STON2: variants seen among roughly 807,000 people sequenced by gnomAD.
STON2 encodes stonin 2, also known as stonin-2.
Under a neutral mutation model 65.7 loss-of-function variants are expected in STON2, and 29 were observed. The ratio of observed to expected loss-of-function variants is 0.44; its 90% CI spans 0.33 to 0.60. The LOEUF is 0.60. Ranked by LOEUF, STON2 falls within the 20% of genes least tolerant of loss-of-function variation. The pLI, the probability that STON2 is intolerant of heterozygous loss-of-function variation, is 0.03. For missense variants in STON2, 1,054 were observed against 1,118.1 expected (o/e 0.94, Z 0.82); for synonymous variants, 404 against 414.2 (o/e 0.98, Z 0.30).
At position 81,330,564 on chromosome 14, in the gene STON2, T is replaced by G. The variant is rs568443707; in HGVS notation, c.572-6377A>C. Among the ~76,000 whole-genome samples, 4 of 152,346 alleles carry G rather than the reference T, an allele frequency of 2.6e-5. No homozygotes were observed. In the South Asian group the frequency reaches 8.3e-4, roughly 32 times the overall value. ...CACACATATTTATTAAAAATGTATT[T>G]TTTACAACATTGCTCAATTGTTCAG... On this transcript the variant is annotated intron_variant, in intron 4 of 7. Coordinates refer to ENST00000614646, the MANE Select transcript of STON2 (RefSeq NM_001394390.1).
rs1021058257 is a variant in STON2 at position 81,333,133 on chromosome 14, A to G, written c.572-8946T>C. 7.7e-6 allele frequency: 10 copies of G among 1,298,388 alleles called. No individual in the cohort carries two copies. In the African/African-American group the frequency reaches 1.5e-4, roughly 19 times the overall value. 80.4% of individuals were successfully genotyped at this position (1,298,388 alleles called of 1,614,324 possible). A position where few individuals can be genotyped will look rare whatever the true frequency, so the allele number is the denominator to read the frequency against. On this transcript the variant is annotated intron_variant, in intron 4 of 7. Transcript: ENST00000614646. Reference sequence around the variant, plus strand: ...CTTTGCATAATCCAAGAAATCATAAATCATGCCAAAGCCAGTTGTCTTGCC... The same window carrying G: ...CTTTGCATAATCCAAGAAATCATAAGTCATGCCAAAGCCAGTTGTCTTGCC...
At chr14:81,313,808 A>ATACAC (rs1555398539) in intron 5 of STON2, among the ~76,000 whole-genome samples, 2 of 82,536 alleles carry the variant, frequency 2.4e-5, no homozygotes, top group South Asian at 3.2e-4. Context: ...AAAAAAAAAA[A>ATACAC]ATACACACAC....
chr14:81,393,043 G>C (rs1900152783), intron 3 of STON2, among the ~76,000 whole-genome samples: 1 of 152,196 alleles, frequency 6.6e-6, no homozygotes, highest in Non-Finnish European at 1.5e-5. Flanking sequence ...CTATGGGCCA[G>C]ACTGTGAATT....
intron 2 of STON2, among the ~76,000 whole-genome samples, chr14:81,407,260 T>C (rs187515119): frequency 6.6e-6 from 1 of 152,276 alleles, no homozygotes; most frequent in East Asian, 1.9e-4. Flanking sequence ...AAGAGACTAG[T>C]TCAGACATCT....
intron 3 of STON2, among the ~76,000 whole-genome samples, chr14:81,391,572 G>C (rs1299653361): frequency 6.6e-6 from 1 of 152,190 alleles, no homozygotes; most frequent in Non-Finnish European, 1.5e-5. Flanking sequence ...ATGTGGGAGA[G>C]GTTAGTTTGG....
Position 81,261,948 on chromosome 14 carries a change from A to T in STON2, c.*6466T>A. 7.4e-7 allele frequency: 1 copy of T among 1,355,786 alleles called. No individual in the cohort carries two copies. The highest frequency in any genetic ancestry group is 9.6e-7 in the Non-Finnish European group (1 of 1,039,166). The allele number at this position is 1,355,786 out of a possible 1,614,324, so 84.0% of individuals were successfully genotyped here. ...TTCTGTTGTCTGGGGAAATGATAAA[A>T]AAAAAAAAAAAAAAGAGAGAGATGT... On this transcript the variant is annotated 3_prime_UTR_variant, in exon 8 of 8. Transcript: ENST00000614646.
rs1735655950 is a variant in STON2, at chr14:81,280,619, C to T, written c.743-1880G>A. Among the ~76,000 whole-genome samples the T allele has an allele frequency of 4.6e-5, 7 of 152,298 alleles. 1 individual carries two copies. In the South Asian group the frequency reaches 1.5e-3, roughly 32 times the overall value. On this transcript the variant is annotated intron_variant, in intron 5 of 7. Transcript: ENST00000614646. ...ATCAGCAATGCCGCACATAATTGCA[C>T]ATAATTATACAAGGATGGGATGCTG...
chr14:81,397,696 C>G (rs1328233344), intron 2 of STON2, among the ~76,000 whole-genome samples: 1 of 152,174 alleles, frequency 6.6e-6, no homozygotes, highest in Non-Finnish European at 1.5e-5. Context: ...TCCCTGAGCA[C>G]AAGTTCTCCA....
rs1304857200 is a variant in STON2, at chr14:81,263,973, A to C, written c.*4441T>G. On this transcript the variant is annotated 3_prime_UTR_variant, in exon 8 of 8. Transcript: ENST00000614646. ...CTCCATCTTACTGTGGTGACAAAAT[A>C]AATGCAAAGTAACGGTCAGCGGTTA... 26 of 985,342 alleles carry C rather than the reference A, an allele frequency of 2.6e-5. 1 individual carries two copies. Among genetic ancestry groups the C allele is most frequent in the Non-Finnish European group, 3.1e-5 (26 of 829,944 alleles). The allele number at this position is 985,342 out of a possible 1,614,324, so 61.0% of individuals were successfully genotyped here. A position where few individuals can be genotyped will look rare whatever the true frequency, so the allele number is the denominator to read the frequency against.
chr14:81,297,017 T>G (rs904135624), intron 5 of STON2, among the ~76,000 whole-genome samples: 1 of 152,214 alleles, frequency 6.6e-6, no homozygotes, highest in Non-Finnish European at 1.5e-5. Flanking sequence ...GTATTTAATT[T>G]GGGGTTGGAT....
At chr14:81,402,308 G>A (rs1595447420), upstream of STON2, among the ~76,000 whole-genome samples, 1 of 152,142 alleles carries the variant, frequency 6.6e-6, no homozygotes, top group African/African-American at 2.4e-5. Flanking sequence ...AACATGTACT[G>A]TTTCTGCCCA....
At chr14:81,415,811 CA>C (rs1234675372) in intron 2 of STON2, among the ~76,000 whole-genome samples, 4 of 151,788 alleles carry the variant, frequency 2.6e-5, no homozygotes, top group Non-Finnish European at 4.4e-5. Context: ...AAAATATATC[CA>C]AAAAAATCAT....
intron 4 of STON2, among the ~76,000 whole-genome samples, chr14:81,339,507 C>A (rs1160348589): frequency 6.6e-6 from 1 of 152,094 alleles, no homozygotes; most frequent in Non-Finnish European, 1.5e-5. Flanking sequence ...TTTCACATTC[C>A]CAAGGCCCTG....
Position 81,298,420 on chromosome 14 carries a change from G to GC in STON2, c.743-19682_743-19681insG, listed in dbSNP as rs939632896. Among the ~76,000 whole-genome samples the GC allele has an allele frequency of 1.8e-4, 11 of 61,088 alleles. No homozygotes were observed. The East Asian group carries it at 4.4e-3, about 24-fold the overall frequency. The allele number at this position is 61,088 out of a possible 152,430, so 40.1% of individuals were successfully genotyped here. A position where few individuals can be genotyped will look rare whatever the true frequency, so the allele number is the denominator to read the frequency against. ...AAGCCTCAACTGCTTCAGATGGGGG[G>GC]GGGGAATCACAGAATTTAAAAGCCA... On this transcript the variant is annotated intron_variant, in intron 5 of 7. Coordinates refer to ENST00000614646, the MANE Select transcript of STON2 (RefSeq NM_001394390.1).
In STON2 at chr14:81,278,513, A is replaced by C. The variant is rs1466663928; in HGVS notation, c.969T>G (p.Pro323=). The change falls in exon 6 of 8, where the codon CCT becomes CCG. Residue 323 remains proline, a synonymous_variant. Coordinates refer to ENST00000614646, the MANE Select transcript of STON2 (RefSeq NM_001394390.1). ...TCTTAAATGATCCCATTGAATTATA[A>C]GGTACATCTGGGATCACAGATGCAC... ...PPSASVIPDV[P]YNSMGSFKKR... is the part of the protein sequence containing the mutation. The C allele has an allele frequency of 1.2e-6, 2 of 1,614,098 alleles. No homozygotes were observed. The highest frequency in any genetic ancestry group is 1.7e-6 in the Non-Finnish European group (2 of 1,180,042).
chr14:81,296,463 C>T lies in STON2; in HGVS notation c.743-17724G>A, dbSNP rs75288917. 5.2e-3 allele frequency among the ~76,000 whole-genome samples: 794 copies of T among 152,232 alleles called. 11 individuals carry two copies. The highest frequency in any genetic ancestry group is 0.018 in the African/African-American group (749 of 41,542). On this transcript the variant is annotated intron_variant, in intron 5 of 7. Transcript: ENST00000614646. ...CCATGAAATGTTGACAAACATGCTG[C>T]CCTCCACTCTAAAAATAGTAACCTT... is the stretch of plus-strand genomic sequence containing the variant.
At chr14:81,355,557 A>G (rs1898193439) in intron 4 of STON2, among the ~76,000 whole-genome samples, 1 of 152,206 alleles carries the variant, frequency 6.6e-6, no homozygotes, top group South Asian at 2.1e-4. Context: ...TGCCTCTGAA[A>G]TGAGGGAAAA....
chr14:81,273,095 T>C (rs1345046952), intron 6 of STON2, among the ~76,000 whole-genome samples: 2 of 152,356 alleles, frequency 1.3e-5, no homozygotes, highest in South Asian at 2.1e-4. Context: ...ATTACACTTA[T>C]TTTGCACATT....
intron 2 of STON2, among the ~76,000 whole-genome samples, chr14:81,407,413 T>C (rs1488843894): frequency 6.6e-6 from 1 of 152,252 alleles, no homozygotes; most frequent in Non-Finnish European, 1.5e-5. Context: ...AAATGATTTA[T>C]TTTGTTAGGT....
Sources: allele counts gnomAD v4.1 joint callset (sites outside exome capture counted in the v4.1 genomes callset), GRCh38; gene constraint gnomAD v4.1.1; transcripts MANE v1.5; gene names NCBI Gene and HGNC (gene_info 2026-07-23, HGNC 2026-07-21).